The following CCDC68 variants were observed in gnomAD, a reference collection of about 807,000 sequenced individuals.
CCDC68 encodes the protein coiled-coil domain containing 68.
A neutral mutation model predicts 47.1 loss-of-function variants in CCDC68; 45 were observed. The ratio of observed to expected loss-of-function variants is 0.96; its 90% confidence interval spans 0.75 to 1.23. CCDC68 has a LOEUF of 1.23. Ranked by LOEUF, CCDC68 falls within the 50% of genes most tolerant of loss-of-function variation. The pLI is 0.00. For missense variants in CCDC68, 353 were observed against 373.6 expected, an observed-to-expected ratio of 0.94 and a Z score of 0.45; for synonymous variants, 131 against 129.5, an observed-to-expected ratio of 1.01 and a Z score of -0.08.
At chr18:54,926,175 T>C (rs567569645) in intron 8 of CCDC68, among the ~76,000 whole-genome samples, 1 of 152,322 alleles carries the variant, frequency 6.6e-6, no homozygotes, top group South Asian at 2.1e-4. Context: ...TACAGCTCCC[T>C]GTATTAGTCT....
intron 2 of CCDC68, 57 bp from the exon 3 acceptor site, chr18:54,942,860 A>G (rs1302845360): frequency 4.3e-6 from 4 of 935,842 alleles, no homozygotes; most frequent in Non-Finnish European, 6.9e-6. Context: ...GTATGATTAT[A>G]TGGTTCATAA....
chr18:54,926,212 C>G (rs1194969341), intron 8 of CCDC68, among the ~76,000 whole-genome samples: 3 of 152,088 alleles, frequency 2.0e-5, no homozygotes, highest in Non-Finnish European at 2.9e-5. Context: ...GAAAACATAC[C>G]CGAGACTGGG....
At chr18:54,937,828 T>G (rs772963686) in intron 5 of CCDC68, 129 bp downstream of exon 5, 1 of 586,222 alleles carries the variant, frequency 1.7e-6, no homozygotes, top group Non-Finnish European at 2.8e-6. Flanking sequence ...TCTATGTAAG[T>G]GAGCATGCAG....
intron 8 of CCDC68, among the ~76,000 whole-genome samples, chr18:54,921,184 C>T (rs2044053323): frequency 1.3e-5 from 2 of 152,110 alleles, no homozygotes; most frequent in South Asian, 2.1e-4. Context: ...ATAGACGCTG[C>T]GGACTATTAG....
chr18:54,905,933 A>G (rs1168900253), intron 11 of CCDC68, among the ~76,000 whole-genome samples: 2 of 152,178 alleles, frequency 1.3e-5, no homozygotes, highest in African/African-American at 2.4e-5. Context: ...TGTGCATGCG[A>G]TGGATCTAGG....
chr18:54,955,551 C>T (rs1392694427), intron 1 of CCDC68, among the ~76,000 whole-genome samples: 1 of 152,178 alleles, frequency 6.6e-6, no homozygotes, highest in Non-Finnish European at 1.5e-5. Context: ...GACCCGCCCC[C>T]ACCACTCAAA....
chr18:54,946,906 T>G (rs1165152982), intron 1 of CCDC68, among the ~76,000 whole-genome samples: 1 of 146,928 alleles, frequency 6.8e-6, no homozygotes, highest in East Asian at 1.9e-4. Flanking sequence ...GCCCTGTTAT[T>G]TTATATTATC....
At chr18:54,951,429 C>T (rs1050617136) in intron 1 of CCDC68, among the ~76,000 whole-genome samples, 1 of 152,184 alleles carries the variant, frequency 6.6e-6, no homozygotes, top group Non-Finnish European at 1.5e-5. Context: ...CTCTATAATA[C>T]TTCTCACATA....
chr18:54,924,257 A>G (rs2044109635), intron 8 of CCDC68, among the ~76,000 whole-genome samples: 1 of 152,174 alleles, frequency 6.6e-6, no homozygotes, highest in Admixed American at 6.5e-5. Context: ...TGTTCCTGCT[A>G]AATACAACTA....
At position 54,912,159 on chromosome 18, in the gene CCDC68, T is replaced by C. The variant is rs535027631; in HGVS notation, c.874-4297A>G. Among the ~76,000 whole-genome samples, 5 of 152,302 alleles carry C rather than the reference T, an allele frequency of 3.3e-5. No individual in the cohort carries two copies. The East Asian group carries it at 5.8e-4, about 18-fold the overall frequency. On this transcript the variant is annotated intron_variant, in intron 10 of 11. Coordinates refer to ENST00000591504, the MANE Select transcript of CCDC68 (RefSeq NM_025214.3). ...ATGGTGCTTATATAAAGTAGGATAA[T>C]CTTCAAAGTTTAGAAAATGGAGTAA... is the stretch of plus-strand genomic sequence containing the variant.
chr18:54,946,209 C>G (rs1304211372), intron 1 of CCDC68, among the ~76,000 whole-genome samples: 1 of 152,162 alleles, frequency 6.6e-6, no homozygotes, highest in Non-Finnish European at 1.5e-5. Flanking sequence ...ACAAGATAGC[C>G]ATTCATGTAC....
In CCDC68 at chr18:54,937,945, TA is replaced by T; in HGVS notation, c.345+11del. 1 of 1,606,496 alleles carries T rather than the reference TA, an allele frequency of 6.2e-7. No homozygotes were observed. The highest frequency in any genetic ancestry group is 8.5e-7 in the Non-Finnish European group (1 of 1,177,264). ...CTCAAAACACAAAATTTGAAACTTC[TA>T]AAAGTCATACCTTGATTTTCAATAC... On this transcript the variant is annotated intron_variant, in intron 5 of 11. Coordinates refer to ENST00000591504, the MANE Select transcript of CCDC68 (RefSeq NM_025214.3).
At chr18:54,949,823 G>A (rs1288564926) in intron 1 of CCDC68, among the ~76,000 whole-genome samples, 3 of 152,174 alleles carry the variant, frequency 2.0e-5, no homozygotes, top group Admixed American at 6.5e-5. Flanking sequence ...TGGCCATCTG[G>A]CTGGTTGGAG....
chr18:54,905,331 G>A (rs1913927242), intron 11 of CCDC68, among the ~76,000 whole-genome samples: 1 of 148,430 alleles, frequency 6.7e-6, no homozygotes, highest in Admixed American at 6.7e-5. Context: ...GGAAAGGAAG[G>A]GCAGAGAGTG....
At chr18:54,926,699 A>C (rs1281887682) in intron 8 of CCDC68, among the ~76,000 whole-genome samples, 1 of 152,204 alleles carries the variant, frequency 6.6e-6, no homozygotes, top group African/African-American at 2.4e-5. Flanking sequence ...AGTTTAAGAG[A>C]TCTTCAGAGG....
chr18:54,928,744 C>A (rs1186310663), intron 8 of CCDC68, 56 bp downstream of exon 8: 9 of 1,083,024 alleles, frequency 8.3e-6, no homozygotes, highest in Non-Finnish European at 1.3e-5. Flanking sequence ...GCTGGCATAC[C>A]AGTGGACAGG....
intron 8 of CCDC68, among the ~76,000 whole-genome samples, 178 bp downstream of exon 8, chr18:54,928,622 T>C (rs755414407): frequency 2.6e-5 from 4 of 152,142 alleles, no homozygotes; most frequent in Non-Finnish European, 5.9e-5. Context: ...CCTCTGAGTT[T>C]GAGGAAGGGG....
At chr18:54,918,288 G>A (rs915808267) in intron 9 of CCDC68, among the ~76,000 whole-genome samples, 17 of 152,210 alleles carry the variant, frequency 1.1e-4, no homozygotes, top group Admixed American at 7.9e-4. Flanking sequence ...CCGCCCTTCT[G>A]CATCTCAGCA....
At position 54,917,923 on chromosome 18, in the gene CCDC68, A is replaced by G. The variant is rs369763924; in HGVS notation, c.863T>C (p.Leu288Pro). The change falls in exon 10 of 12, where the codon CTT (leucine) becomes CCT (proline). Residue 288 changes from leucine to proline, a missense_variant. Leu to Pro is a moderately conservative substitution (Grantham distance 98). Transcript: ENST00000591504. Reference protein sequence around the residue: ...IENLREKVNILEAQNKELKTQ... With the variant: ...IENLREKVNIPEAQNKELKTQ... ...AGGTTCCCTCCTTACCTGGGCTTCA[A>G]GTATGTTAACCTTTTCTCTGAGATT... 9 of 1,575,562 alleles carry G rather than the reference A, an allele frequency of 5.7e-6. No homozygotes were observed. The African/African-American group carries it at 1.2e-4, about 21-fold the overall frequency.
Sources: gnomAD v4.1 joint callset for allele counts (sites outside exome capture counted in the v4.1 genomes callset) on GRCh38, gnomAD v4.1.1 for gene constraint, MANE v1.5 for transcripts, NCBI Gene and HGNC (gene_info 2026-07-23, HGNC 2026-07-21) for gene names.